Variants in RALGPS2 observed in about 807,000 individuals in gnomAD.
RALGPS2 encodes the protein Ral GEF with PH domain and SH3 binding motif 2.
A neutral mutation model predicts 86.8 loss-of-function variants in RALGPS2; 43 were observed. The ratio of observed to expected loss-of-function variants is 0.50; its 90% CI spans 0.39 to 0.64. The LOEUF is 0.64. Ranked by LOEUF, RALGPS2 falls within the 30% of genes least tolerant of loss-of-function variation. The pLI is 0.00. For synonymous variants in RALGPS2, 243 were observed against 231.3 expected, an observed-to-expected ratio of 1.05 and a Z score of -0.46; for missense variants, 536 against 694.6, an observed-to-expected ratio of 0.77 and a Z score of 2.57.
chr1:178,856,600 C>T (rs1444422218), intron 8 of RALGPS2, among the ~76,000 whole-genome samples: 1 of 151,292 alleles, frequency 6.6e-6, no homozygotes, highest in African/African-American at 2.4e-5. Context: ...CTTTGTGCTT[C>T]TGGGATAGAC....
intron 1 of RALGPS2, among the ~76,000 whole-genome samples, chr1:178,740,940 G>A (rs968771791): frequency 6.6e-6 from 1 of 152,150 alleles, no homozygotes; most frequent in African/African-American, 2.4e-5. Context: ...ACTTCTCACT[G>A]GGTTGATGTG....
intron 8 of RALGPS2, among the ~76,000 whole-genome samples, chr1:178,860,470 C>T (rs1657926203): frequency 6.6e-6 from 1 of 152,036 alleles, no homozygotes. Flanking sequence ...ACTGTCTTCA[C>T]CATTTTTAAA....
chr1:178,896,480 T>A (rs550677977), intron 16 of RALGPS2, among the ~76,000 whole-genome samples: 19 of 150,054 alleles, frequency 1.3e-4, no homozygotes, highest in South Asian at 1.3e-3. Flanking sequence ...TTTTTTTTTT[T>A]ATTATACTTT....
At chr1:178,859,128 T>G (rs1210623513) in intron 8 of RALGPS2, among the ~76,000 whole-genome samples, 1 of 129,294 alleles carries the variant, frequency 7.7e-6, no homozygotes, top group Non-Finnish European at 1.6e-5. Context: ...TAAACTGTAT[T>G]TAGCAACCCA....
intron 4 of RALGPS2, among the ~76,000 whole-genome samples, chr1:178,806,353 T>G (rs577504997): frequency 6.6e-6 from 1 of 152,184 alleles, no homozygotes. Context: ...TAACTTCCAG[T>G]GCTGCTATTA....
chr1:178,888,812 A>T (rs1407273363), intron 13 of RALGPS2, among the ~76,000 whole-genome samples: 1 of 152,154 alleles, frequency 6.6e-6, no homozygotes. Context: ...CATCCATTAC[A>T]GGTGTCTGAT....
intron 2 of RALGPS2, among the ~76,000 whole-genome samples, chr1:178,779,014 T>C (rs1653246629): frequency 6.6e-6 from 1 of 152,200 alleles, no homozygotes; most frequent in South Asian, 2.1e-4. Context: ...TTTAGAGTAT[T>C]TTTACATTAC....
chr1:178,824,525 G>A (rs959457662), intron 7 of RALGPS2, among the ~76,000 whole-genome samples: 14 of 152,196 alleles, frequency 9.2e-5, no homozygotes, highest in Admixed American at 2.6e-4. Flanking sequence ...TCCATTTTAC[G>A]CCGGGTGCAG....
At chr1:178,775,201 G>T (rs995849162) in intron 1 of RALGPS2, among the ~76,000 whole-genome samples, 5 of 152,074 alleles carry the variant, frequency 3.3e-5, no homozygotes. Context: ...TATGAAGTAG[G>T]TACTTATTAT....
intron 4 of RALGPS2, among the ~76,000 whole-genome samples, chr1:178,804,377 C>T (rs984910971): frequency 7.0e-6 from 1 of 143,318 alleles, no homozygotes; most frequent in Non-Finnish European, 1.5e-5. Flanking sequence ...GCTGCACCCA[C>T]TAACTCGTCA....
chr1:178,852,902 A>G, intron 8 of RALGPS2: 1 of 1,613,806 alleles, frequency 6.2e-7, no homozygotes. Context: ...CTAAGCATAT[A>G]GATATTTTCC....
At chr1:178,747,161 A>T (rs762477075) in intron 1 of RALGPS2, 5 of 1,013,222 alleles carry the variant, frequency 4.9e-6, no homozygotes, top group Non-Finnish European at 7.9e-6. Context: ...ACAAGTGTCT[A>T]CCAGAGAGAA....
chr1:178,914,696 G>A (rs1660745498), intron 19 of RALGPS2, among the ~76,000 whole-genome samples: 1 of 152,124 alleles, frequency 6.6e-6, no homozygotes, highest in East Asian at 1.9e-4. Flanking sequence ...TATTGTTGGA[G>A]TGGGCTTTGT....
At chr1:178,828,754 A>G (rs894697442) in intron 7 of RALGPS2, among the ~76,000 whole-genome samples, 2 of 152,244 alleles carry the variant, frequency 1.3e-5, no homozygotes, top group Admixed American at 6.5e-5. Flanking sequence ...GCTGTTATCA[A>G]AAAGCCAAAA....
chr1:178,892,181 G>T (rs1395748594), intron 14 of RALGPS2, 49 bp from the exon 15 acceptor site: 3 of 1,493,568 alleles, frequency 2.0e-6, no homozygotes, highest in Non-Finnish European at 2.8e-6. Context: ...TAATGACTGT[G>T]TGAATAAAAG....
At chr1:178,862,771 A>G (rs1478478965) in intron 8 of RALGPS2, among the ~76,000 whole-genome samples, 1 of 152,188 alleles carries the variant, frequency 6.6e-6, no homozygotes, top group Non-Finnish European at 1.5e-5. Flanking sequence ...AAGGTCCGCT[A>G]GGAAAGTAGG....
In RALGPS2 at chr1:178,843,758, T is replaced by C. The variant is rs568544790; in HGVS notation, c.607+10208T>C. Among the ~76,000 whole-genome samples, 4 of 152,232 alleles carry C rather than the reference T, an allele frequency of 2.6e-5. No individual in the cohort carries two copies. The East Asian group carries it at 7.7e-4, about 29-fold the overall frequency. ...GCATAATTTTAGATACTGGTATTCT[T>C]CATATAGTTCATCCCTATCTGGGTA... On this transcript the variant is annotated intron_variant, in intron 8 of 19. Coordinates refer to ENST00000367635, the MANE Select transcript of RALGPS2 (RefSeq NM_152663.5).
chr1:178,795,931 A>G (rs1654167184), intron 4 of RALGPS2, among the ~76,000 whole-genome samples: 1 of 152,184 alleles, frequency 6.6e-6, no homozygotes, highest in Admixed American at 6.5e-5. Context: ...AATAAATATA[A>G]TGAGAGATTT....
At chr1:178,732,449 C>G (rs1650422094) in intron 1 of RALGPS2, among the ~76,000 whole-genome samples, 1 of 152,078 alleles carries the variant, frequency 6.6e-6, no homozygotes, top group Non-Finnish European at 1.5e-5. Context: ...CAGTTGCGTG[C>G]CACCACATCC....
Sources: gnomAD v4.1 joint callset for allele counts (sites outside exome capture counted in the v4.1 genomes callset) on GRCh38, gnomAD v4.1.1 for gene constraint, MANE v1.5 for transcripts, NCBI Gene and HGNC (gene_info 2026-07-23, HGNC 2026-07-21) for gene names.